The following NCAM2 variants were observed in gnomAD, a reference collection of about 807,000 sequenced individuals.
NCAM2 encodes the protein neural cell adhesion molecule 2, also known as N-CAM-2.
Under a neutral mutation model 98.1 loss-of-function variants are expected in NCAM2, and 30 were observed. The observed-to-expected ratio is 0.31, with a 90% CI of 0.23 to 0.41. NCAM2 has a LOEUF of 0.41. NCAM2 is among the 10% of genes least tolerant of loss of function. NCAM2 has a pLI of 1.00. For synonymous variants in NCAM2, 368 were observed against 342.4 expected (o/e 1.07, Z -0.83); for missense variants, 867 against 1,005.8 (o/e 0.86, Z 1.87).
rs1475525238 is a variant in NCAM2, at chr21:21,524,484, C to T, written c.2283-10053C>T. Among the ~76,000 whole-genome samples the T allele has an allele frequency of 2.1e-5, 3 of 146,152 alleles. No individual in the cohort carries two copies. In the South Asian group the frequency reaches 6.5e-4, roughly 32 times the overall value. ...GGCAGAGGTTGCTGTGAGCTGAGAT[C>T]GGGCAATTGCACTCCAGCCTATACA... On this transcript the variant is annotated intron_variant, in intron 16 of 17. Coordinates refer to ENST00000400546, the MANE Select transcript of NCAM2 (RefSeq NM_004540.5).
At chr21:21,142,377 GTTTTTT>G (rs10686568) in intron 1 of NCAM2, among the ~76,000 whole-genome samples, 9 of 107,178 alleles carry the variant, frequency 8.4e-5, no homozygotes, top group African/African-American at 3.4e-4. Flanking sequence ...TTTTTTTTAT[GTTTTTT>G]TTTTTTTTTT....
At chr21:21,441,713 A>G (rs1979300852) in intron 12 of NCAM2, among the ~76,000 whole-genome samples, 1 of 152,100 alleles carries the variant, frequency 6.6e-6, no homozygotes, top group South Asian at 2.1e-4. Context: ...TTCAGCAGAG[A>G]CTGGGAAAGA....
intron 1 of NCAM2, among the ~76,000 whole-genome samples, chr21:21,249,456 G>A (rs900503832): frequency 3.3e-5 from 5 of 152,056 alleles, no homozygotes; most frequent in African/African-American, 9.7e-5. Flanking sequence ...CAGTTAGTTC[G>A]AGCTCATCAT....
chr21:21,054,261 G>T (rs7279570), intron 1 of NCAM2, among the ~76,000 whole-genome samples: 2 of 151,864 alleles, frequency 1.3e-5, no homozygotes, highest in Non-Finnish European at 2.9e-5. Flanking sequence ...GTACAAATTT[G>T]TTGGTGAATA....
rs1448708648 is a variant in NCAM2, at chr21:21,283,673, TTCAAATTTAGTATTA to T, written c.131-515_131-501del. ...AAATTTAGCAACTAGGGAAATTAAT[TTCAAATTTAGTATTA>T]TCAAAGGCCAAAGTTGGTTTTGTGA... On this transcript the variant is annotated intron_variant, in intron 2 of 17. Coordinates refer to ENST00000400546, the MANE Select transcript of NCAM2 (RefSeq NM_004540.5). 1.1e-4 allele frequency among the ~76,000 whole-genome samples: 16 copies of T among 152,030 alleles called. No homozygotes were observed. In the South Asian group the frequency reaches 2.9e-3, roughly 28 times the overall value.
At chr21:21,029,074 G>C (rs2064615379) in intron 1 of NCAM2, among the ~76,000 whole-genome samples, 1 of 152,026 alleles carries the variant, frequency 6.6e-6, no homozygotes, top group Non-Finnish European at 1.5e-5. Flanking sequence ...ACATGTTTTA[G>C]TGTAGGTAAC....
intron 1 of NCAM2, among the ~76,000 whole-genome samples, chr21:21,246,935 C>G (rs2147266158): frequency 6.6e-6 from 1 of 152,214 alleles, no homozygotes; most frequent in Admixed American, 6.5e-5. Flanking sequence ...TGAACTTGCA[C>G]TTTATCTTGA....
At position 21,147,165 on chromosome 21, in the gene NCAM2, C is replaced by G. The variant is rs1021757062; in HGVS notation, c.56-133413C>G. ...CTGAAATCTCGCGCCCTGTCCCACA[C>G]CGGAGCTGGTACCGCTGCCTTCTAC... On this transcript the variant is annotated intron_variant, in intron 1 of 17. Transcript: ENST00000400546. 1.4e-5 allele frequency: 14 copies of G among 968,568 alleles called. No homozygotes were observed. The African/African-American group carries it at 2.8e-4, about 19-fold the overall frequency. 60.0% of individuals were successfully genotyped at this position (968,568 alleles called of 1,614,324 possible). A position where few individuals can be genotyped will look rare whatever the true frequency, so the allele number is the denominator to read the frequency against.
At chr21:21,474,779 G>A (rs2146251093) in intron 14 of NCAM2, among the ~76,000 whole-genome samples, 1 of 151,832 alleles carries the variant, frequency 6.6e-6, no homozygotes, top group Non-Finnish European at 1.5e-5. Context: ...TCCCATATAT[G>A]TGTGTGTATA....
chr21:21,465,481 C>T (rs1264107830), intron 12 of NCAM2, among the ~76,000 whole-genome samples: 2 of 151,070 alleles, frequency 1.3e-5, no homozygotes, highest in Non-Finnish European at 3.0e-5. Context: ...GAATGGAACG[C>T]AAGGAAGTAT....
intron 1 of NCAM2, among the ~76,000 whole-genome samples, chr21:21,185,071 G>C (rs2068596153): frequency 6.6e-6 from 1 of 152,082 alleles, no homozygotes; most frequent in Admixed American, 6.6e-5. Context: ...ACATTTCCCA[G>C]ACATTTGATA....
rs1468754668 is a variant in NCAM2 at position 21,212,355 on chromosome 21, TGAA to T, written c.56-68219_56-68217del. On this transcript the variant is annotated intron_variant, in intron 1 of 17. Transcript: ENST00000400546. Reference sequence around the variant, plus strand: ...GTTTCAAATGGTAACATTTATGAGATGAAGAACAGATTATTGATTGTCAATGGT... The same window carrying T: ...GTTTCAAATGGTAACATTTATGAGATGAACAGATTATTGATTGTCAATGGT... Among the ~76,000 whole-genome samples, 8 of 152,306 alleles carry T rather than the reference TGAA, an allele frequency of 5.3e-5. No homozygotes were observed. In the South Asian group the frequency reaches 8.3e-4, roughly 16 times the overall value.
At chr21:21,125,508 T>TTTACATATAAAATATGTAAATATA (rs2066785223) in intron 1 of NCAM2, among the ~76,000 whole-genome samples, 1 of 75,858 alleles carries the variant, frequency 1.3e-5, no homozygotes, top group African/African-American at 5.0e-5. Flanking sequence ...TATGTAATAT[T>TTTACATATAAAATATGTAAATATA]TTACATATAT....
chr21:21,289,259 A>G (rs2073207311), intron 4 of NCAM2, among the ~76,000 whole-genome samples: 2 of 152,006 alleles, frequency 1.3e-5, no homozygotes, highest in Non-Finnish European at 2.9e-5. Context: ...TCTATGCTGT[A>G]GTGTACCAGA....
At chr21:21,376,681 T>C (rs1281647366) in intron 9 of NCAM2, among the ~76,000 whole-genome samples, 1 of 151,810 alleles carries the variant, frequency 6.6e-6, no homozygotes, top group Non-Finnish European at 1.5e-5. Context: ...ATTGGGTACT[T>C]TATTTTTCAA....
chr21:21,247,990 TA>T (rs2071340843), intron 1 of NCAM2, among the ~76,000 whole-genome samples: 1 of 152,134 alleles, frequency 6.6e-6, no homozygotes, highest in African/African-American at 2.4e-5. Context: ...GGATAAGGCA[TA>T]TACAGAGGAC....
intron 1 of NCAM2, among the ~76,000 whole-genome samples, chr21:21,051,339 C>T (rs925923795): frequency 6.6e-6 from 1 of 152,170 alleles, no homozygotes; most frequent in African/African-American, 2.4e-5. Flanking sequence ...CTTCGCTTCC[C>T]CTTTTCACAT....
Position 21,488,963 on chromosome 21 carries a change from TTC to T in NCAM2, c.2077+11494_2077+11495del, listed in dbSNP as rs1569113481. Among the ~76,000 whole-genome samples the T allele has an allele frequency of 1.1e-4, 17 of 152,054 alleles. No individual in the cohort carries two copies. In the South Asian group the frequency reaches 3.5e-3, roughly 32 times the overall value. On this transcript the variant is annotated intron_variant, in intron 15 of 17. Transcript: ENST00000400546. The stretch of plus-strand genomic sequence containing the variant: ...TTAATAAGTCCAATTTAATTATGTT[TTC>T]TTTTTCTATTTTAATTTTTATTTAT...
intron 1 of NCAM2, among the ~76,000 whole-genome samples, chr21:21,170,303 G>A (rs1396907385): frequency 6.6e-6 from 1 of 152,180 alleles, no homozygotes; most frequent in African/African-American, 2.4e-5. Flanking sequence ...ACCTACGTGT[G>A]AACATTTATA....
Sources: allele counts gnomAD v4.1 joint callset (sites outside exome capture counted in the v4.1 genomes callset), GRCh38; gene constraint gnomAD v4.1.1; transcripts MANE v1.5; gene names NCBI Gene and HGNC (gene_info 2026-07-23, HGNC 2026-07-21).